Variants in UNC80 observed in about 807,000 individuals in gnomAD.
The protein encoded by UNC80 is protein unc-80 homolog.
In UNC80, 164 loss-of-function variants were observed where a neutral mutation model predicts 384.6. The ratio of observed to expected loss-of-function variants is 0.43; its 90% confidence interval spans 0.38 to 0.49. The LOEUF (loss-of-function observed/expected upper bound fraction) is 0.49. Ranked by LOEUF, UNC80 falls within the 20% of genes least tolerant of loss-of-function variation. The probability of loss-of-function intolerance (pLI) is 0.00; values close to 1 mark genes in which losing one functional copy is unlikely to be tolerated. For missense variants in UNC80, 3,330 were observed against 4,143.0 expected (o/e 0.80, Z 5.39); for synonymous variants, 1,486 against 1,527.8 (o/e 0.97, Z 0.64).
intron 21 of UNC80, among the ~76,000 whole-genome samples, chr2:209,847,852 A>G (rs2082272384): frequency 6.6e-6 from 1 of 152,032 alleles, no homozygotes; most frequent in East Asian, 1.9e-4. Context: ...AATTTTAGGC[A>G]GTTATTACCT....
At chr2:209,815,066 G>T (rs180846890) in intron 8 of UNC80, among the ~76,000 whole-genome samples, 191 bp from the exon 9 acceptor site, 2 of 152,038 alleles carry the variant, frequency 1.3e-5, no homozygotes, top group African/African-American at 4.8e-5. Flanking sequence ...ACTTCAAACA[G>T]AAATTACAAT....
At chr2:209,881,588 T>G (rs1035856731) in intron 25 of UNC80, among the ~76,000 whole-genome samples, 1 of 152,050 alleles carries the variant, frequency 6.6e-6, no homozygotes, top group Admixed American at 6.6e-5. Flanking sequence ...TCCTAGAGAT[T>G]ATGGATAGAC....
At chr2:209,869,173 C>T (rs544807643) in intron 22 of UNC80, 4 of 152,224 alleles carry the variant, frequency 2.6e-5, no homozygotes, top group African/African-American at 9.6e-5. Context: ...GAATCCATCC[C>T]TATCCATTAT....
chr2:209,928,287 A>G (rs1246660616), intron 36 of UNC80, among the ~76,000 whole-genome samples: 1 of 152,132 alleles, frequency 6.6e-6, no homozygotes, highest in African/African-American at 2.4e-5. Flanking sequence ...AGTGAGCCGA[A>G]ACCGCACCAC....
intron 2 of UNC80, 139 bp from the exon 3 acceptor site, chr2:209,775,750 A>G: frequency 1.4e-6 from 1 of 714,422 alleles, no homozygotes; most frequent in East Asian, 2.7e-5. Flanking sequence ...TCCCTAAAGA[A>G]TTTGGTCCAG....
rs919633859 is a variant in UNC80, at chr2:209,998,201, C to T, written c.*2606C>T. ...TCTTCTGAAATTAGCTTTTGAGAGA[C>T]CTTGGAATAAACCATGTGTTATCCA... is the stretch of plus-strand genomic sequence containing the variant. On this transcript the variant is annotated 3_prime_UTR_variant, in exon 65 of 65. Transcript: ENST00000673920. 1 of 152,158 alleles carries T rather than the reference C, an allele frequency of 6.6e-6. No homozygotes were observed. The allele number at this position is 152,158 out of a possible 1,614,324, so 9.4% of individuals were successfully genotyped here.
At chr2:209,789,482 A>G (rs2077658443) in intron 5 of UNC80, 50 bp from the exon 6 acceptor site, 2 of 1,262,672 alleles carry the variant, frequency 1.6e-6, no homozygotes, top group East Asian at 4.6e-5. Flanking sequence ...TTATGAAATA[A>G]AAAGAACTTA....
intron 18 of UNC80, among the ~76,000 whole-genome samples, chr2:209,838,430 C>T (rs2081496507): frequency 6.6e-6 from 1 of 152,140 alleles, no homozygotes; most frequent in Non-Finnish European, 1.5e-5. Context: ...CAAAAATCCC[C>T]TTGCAGGTAT....
At chr2:209,874,580 C>T (rs572564993) in intron 23 of UNC80, among the ~76,000 whole-genome samples, 2 of 152,336 alleles carry the variant, frequency 1.3e-5, no homozygotes, top group South Asian at 4.1e-4. Context: ...CATCATGCTT[C>T]AGAGTTTCCT....
Position 209,943,404 on chromosome 2 carries a change from C to T in UNC80, c.6940C>T (p.Pro2314Ser). 1.3e-6 allele frequency: 2 copies of T among 1,552,148 alleles called. No homozygotes were observed. The highest frequency in any genetic ancestry group is 1.7e-6 in the Non-Finnish European group (2 of 1,147,056). The change falls in exon 45 of 65, where the codon CCC becomes TCC. Residue 2314 changes from proline (P) to serine (S), a missense_variant. This residue lies in a region of UNC80 where 1,049 missense variants were observed against 1,488.6 expected (regional missense o/e 0.70). Coordinates refer to ENST00000673920, the MANE Select transcript of UNC80 (RefSeq NM_001371986.1). ...LQVYSDYESN[P>S]QLRQAIEFAC... ...GGTGTACTCCGACTATGAAAGCAATCCCCAGCTGCGTCAAGCCATCGAATT... is the reference window on the plus strand; with the variant it reads ...GGTGTACTCCGACTATGAAAGCAATTCCCAGCTGCGTCAAGCCATCGAATT...
chr2:209,821,255 G>T (rs1035546451), intron 13 of UNC80, among the ~76,000 whole-genome samples: 2 of 152,016 alleles, frequency 1.3e-5, no homozygotes, highest in African/African-American at 4.8e-5. Flanking sequence ...GAGCAAAAGA[G>T]CTTCCTTGTG....
chr2:209,919,121 G>A (rs1258209752), intron 33 of UNC80, among the ~76,000 whole-genome samples: 1 of 152,078 alleles, frequency 6.6e-6, no homozygotes, highest in Admixed American at 6.6e-5. Flanking sequence ...ACATCACTCT[G>A]ACACCCCTGC....
chr2:209,857,142 T>C (rs1427626235), intron 22 of UNC80, among the ~76,000 whole-genome samples: 1 of 152,130 alleles, frequency 6.6e-6, no homozygotes, highest in Non-Finnish European at 1.5e-5. Flanking sequence ...CTACTCTGTA[T>C]TAATAGTTAG....
intron 26 of UNC80, among the ~76,000 whole-genome samples, chr2:209,892,441 C>CTGCTG (rs2086431246): frequency 1.3e-5 from 2 of 152,198 alleles, no homozygotes; most frequent in Non-Finnish European, 2.9e-5. Context: ...TAAATTCTAA[C>CTGCTG]TGCTGTGCTC....
At position 209,839,321 on chromosome 2, in the gene UNC80, A is replaced by C; in HGVS notation, c.3141A>C (p.Glu1047Asp). Reference sequence around the variant, plus strand: ...CAAGTGACACCAGCAGCCAGTCTGAACAGGACACTTCAGAATGCACGACTG... The same window carrying C: ...CAAGTGACACCAGCAGCCAGTCTGACCAGGACACTTCAGAATGCACGACTG... Reference protein sequence around the residue: ...SAASDTSSQSEQDTSECTTAH... With the variant: ...SAASDTSSQSDQDTSECTTAH... Residue 1047 changes from glutamate to aspartate, a missense_variant, in exon 19 of 65, where the codon GAA becomes GAC. By Grantham distance (45) the Glu-to-Asp change is conservative. This residue lies in a region of UNC80 where 801 missense variants were observed against 950.8 expected (regional missense o/e 0.84). Coordinates refer to ENST00000673920, the MANE Select transcript of UNC80 (RefSeq NM_001371986.1). The surrounding 1 kb of genome is among the most constrained non-coding windows in gnomAD (Gnocchi z 4.1). The C allele has an allele frequency of 6.4e-7, 1 of 1,551,788 alleles. No homozygotes were observed. The highest frequency in any genetic ancestry group is 8.7e-7 in the Non-Finnish European group (1 of 1,146,998).
intron 5 of UNC80, among the ~76,000 whole-genome samples, chr2:209,788,918 C>T (rs550174573): frequency 6.6e-6 from 1 of 152,232 alleles, no homozygotes; most frequent in Admixed American, 6.5e-5. Flanking sequence ...ATGGTAAGTG[C>T]TCTATATAGG....
At chr2:209,866,490 C>CA (rs1559226593) in intron 22 of UNC80, among the ~76,000 whole-genome samples, 58 of 107,606 alleles carry the variant, frequency 5.4e-4, no homozygotes, top group South Asian at 2.4e-3. Flanking sequence ...AAATGCACCC[C>CA]CACACACACA....
Position 209,912,672 on chromosome 2 carries a change from T to C in UNC80, c.4890+5T>C, listed in dbSNP as rs1380008948. 6.5e-7 allele frequency: 1 copy of C among 1,536,154 alleles called. No homozygotes were observed. ...CTGAAGTACATCAGACTTCAGGTAT[T>C]GTTACCTGGATCAGAAGGATTCATG... On this transcript the variant is annotated splice_donor_5th_base_variant and intron_variant, in intron 30 of 64. Transcript: ENST00000673920.
At chr2:209,971,987 ACTAT>A (rs1325914418) in intron 54 of UNC80, among the ~76,000 whole-genome samples, 2 of 152,220 alleles carry the variant, frequency 1.3e-5, no homozygotes, top group Non-Finnish European at 2.9e-5. Context: ...TCAAGATGTT[ACTAT>A]CTTTTTAGGT....
Sources: allele counts gnomAD v4.1 joint callset (sites outside exome capture counted in the v4.1 genomes callset), GRCh38; gene constraint gnomAD v4.1.1; regional missense constraint gnomAD v4.1.1; non-coding constraint Gnocchi (gnomAD v3.1); transcripts MANE v1.5; gene names NCBI Gene and HGNC (gene_info 2026-07-23, HGNC 2026-07-21).